ZNF385D: variants seen among roughly 807,000 people sequenced by gnomAD.
ZNF385D encodes the protein zinc finger protein 385D.
A neutral mutation model predicts 35.8 loss-of-function variants in ZNF385D; 15 were observed. That is an observed-to-expected ratio of 0.42 (90% CI 0.28 to 0.64). The LOEUF (loss-of-function observed/expected upper bound fraction) is 0.64, where lower values mean the gene tolerates loss of function less well. ZNF385D is among the 30% of genes least tolerant of loss of function. The pLI, the probability that ZNF385D is intolerant of heterozygous loss-of-function variation, is 0.23. For synonymous variants in ZNF385D, 212 were observed against 186.8 expected, an observed-to-expected ratio of 1.13 and a Z score of -1.10; for missense variants, 474 against 494.6, an observed-to-expected ratio of 0.96 and a Z score of 0.39.
intron 3 of ZNF385D, among the ~76,000 whole-genome samples, chr3:21,850,332 C>A (rs1364855935): frequency 6.6e-6 from 1 of 151,884 alleles, no homozygotes; most frequent in Non-Finnish European, 1.5e-5. Context: ...ACAAAGAAAA[C>A]AAAGTAAGCC....
chr3:21,620,655 C>T (rs537430647), intron 2 of ZNF385D, among the ~76,000 whole-genome samples: 14 of 152,204 alleles, frequency 9.2e-5, no homozygotes, highest in African/African-American at 3.4e-4. Flanking sequence ...CATTTGAATG[C>T]CCTTAATCTA....
intron 3 of ZNF385D, among the ~76,000 whole-genome samples, chr3:22,048,549 G>A (rs1017078251): frequency 3.9e-5 from 6 of 152,110 alleles, no homozygotes; most frequent in Non-Finnish European, 2.9e-5. Flanking sequence ...AAAATCAATT[G>A]ACAACAAATA....
intron 3 of ZNF385D, among the ~76,000 whole-genome samples, chr3:21,890,543 TG>T (rs1220072948): frequency 1.3e-5 from 2 of 151,878 alleles, no homozygotes; most frequent in African/African-American, 4.8e-5. Context: ...TGCTGGAACC[TG>T]GGAGGCGGAG....
At chr3:21,804,777 T>G (rs1168345152) in intron 3 of ZNF385D, among the ~76,000 whole-genome samples, 2 of 93,360 alleles carry the variant, frequency 2.1e-5, no homozygotes, top group Non-Finnish European at 4.5e-5. Flanking sequence ...AGAGGTTAAG[T>G]AATTTGTTCA....
intron 2 of ZNF385D, among the ~76,000 whole-genome samples, chr3:21,581,917 G>T (rs1011299695): frequency 6.6e-6 from 1 of 152,096 alleles, no homozygotes; most frequent in Non-Finnish European, 1.5e-5. Context: ...TGACTGAGAT[G>T]CATTGCTCAA....
intron 2 of ZNF385D, among the ~76,000 whole-genome samples, chr3:22,208,083 T>C (rs905292796): frequency 1.3e-5 from 2 of 151,978 alleles, no homozygotes; most frequent in African/African-American, 2.4e-5. Context: ...GCTGGGCATG[T>C]ACACAAAAGA....
intron 3 of ZNF385D, among the ~76,000 whole-genome samples, chr3:21,865,463 G>A (rs555632477): frequency 1.3e-5 from 2 of 152,100 alleles, no homozygotes; most frequent in Non-Finnish European, 2.9e-5. Context: ...AATGGGTCCA[G>A]GGGGATAGAG....
chr3:21,855,125 A>G (rs1696634253), intron 3 of ZNF385D, among the ~76,000 whole-genome samples: 1 of 152,010 alleles, frequency 6.6e-6, no homozygotes, highest in African/African-American at 2.4e-5. Context: ...AAGCTACATT[A>G]CTACTCCCCA....
chr3:21,747,007 G>A (rs934849487), intron 1 of ZNF385D, among the ~76,000 whole-genome samples: 1 of 151,464 alleles, frequency 6.6e-6, no homozygotes, highest in African/African-American at 2.4e-5. Flanking sequence ...AGGGGAATAG[G>A]GTTCTGTCCT....
chr3:21,416,543 C>T lies in ZNF385D; in HGVS notation c.*4671G>A, dbSNP rs1445281132. The T allele has an allele frequency of 6.6e-6, 1 of 152,048 alleles. No individual in the cohort carries two copies. The highest frequency in any genetic ancestry group is 2.4e-5 in the African/African-American group (1 of 41,400). The allele number at this position is 152,048 out of a possible 1,614,324, so 9.4% of individuals were successfully genotyped here. A position where few individuals can be genotyped will look rare whatever the true frequency, so the allele number is the denominator to read the frequency against. On this transcript the variant is annotated 3_prime_UTR_variant, in exon 8 of 8. Coordinates refer to ENST00000281523, the MANE Select transcript of ZNF385D (RefSeq NM_024697.3). ...ATGGAGACCTACCATTAGAAATGAT[C>T]CATTTCACTTCCTGATAGTAGCCTC... is the stretch of plus-strand genomic sequence containing the variant.
chr3:21,461,933 G>C (rs1189571755), intron 4 of ZNF385D, among the ~76,000 whole-genome samples: 1 of 152,180 alleles, frequency 6.6e-6, no homozygotes, highest in African/African-American at 2.4e-5. Flanking sequence ...ATCTGACTTA[G>C]AGCCTTCCTG....
chr3:22,190,199 A>G (rs1047774769), intron 2 of ZNF385D, among the ~76,000 whole-genome samples: 20 of 152,300 alleles, frequency 1.3e-4, no homozygotes, highest in Non-Finnish European at 2.9e-4. Context: ...AATAATATTC[A>G]AATACAGTCA....
At chr3:22,001,156 C>A (rs188109141) in intron 3 of ZNF385D, among the ~76,000 whole-genome samples, 11 of 152,086 alleles carry the variant, frequency 7.2e-5, no homozygotes, top group Admixed American at 6.5e-4. Flanking sequence ...CAATAATCGT[C>A]TTGAATATAA....
chr3:21,764,744 T>A (rs1468797903), intron 3 of ZNF385D, among the ~76,000 whole-genome samples: 1 of 152,164 alleles, frequency 6.6e-6, no homozygotes, highest in African/African-American at 2.4e-5. Context: ...CAGCATGCTG[T>A]GTGCACTGAA....
intron 4 of ZNF385D, among the ~76,000 whole-genome samples, chr3:21,442,916 T>TGTGTG (rs386355788): frequency 6.7e-6 from 1 of 149,986 alleles, no homozygotes; most frequent in Non-Finnish European, 1.5e-5. Flanking sequence ...TGTGTGTGTG[T>TGTGTG]TGAGAGGTTG....
At chr3:21,809,907 C>G (rs1189685676) in intron 3 of ZNF385D, among the ~76,000 whole-genome samples, 4 of 152,070 alleles carry the variant, frequency 2.6e-5, no homozygotes, top group African/African-American at 7.2e-5. Context: ...TAAAAATAAC[C>G]TGAAAACAAA....
chr3:21,942,481 G>A (rs972839947), intron 3 of ZNF385D: 2 of 152,148 alleles, frequency 1.3e-5, no homozygotes, highest in African/African-American at 2.4e-5. Context: ...GCGTGGCCAC[G>A]AGGACACAAG....
At chr3:21,496,193 A>T (rs1290122495) in intron 4 of ZNF385D, among the ~76,000 whole-genome samples, 2 of 151,264 alleles carry the variant, frequency 1.3e-5, no homozygotes, top group Non-Finnish European at 2.9e-5. Context: ...TCCCCAACTC[A>T]TTCTATGAGG....
chr3:22,013,517 T>C (rs779097), intron 3 of ZNF385D, among the ~76,000 whole-genome samples: 52,708 of 151,936 alleles, frequency 0.35, 9,469 homozygotes, highest in Non-Finnish European at 0.39. Flanking sequence ...TCGGTTGGTG[T>C]CTCCAAATAA....
Sources: gnomAD v4.1 joint callset for allele counts (sites outside exome capture counted in the v4.1 genomes callset) on GRCh38, gnomAD v4.1.1 for gene constraint, MANE v1.5 for transcripts, NCBI Gene and HGNC (gene_info 2026-07-23, HGNC 2026-07-21) for gene names.